LSAMP: variants seen among roughly 807,000 people sequenced by gnomAD.
The protein encoded by LSAMP is limbic system-associated membrane protein.
A neutral mutation model predicts 38.6 loss-of-function variants in LSAMP; 7 were observed. That is an observed-to-expected ratio of 0.18 (90% CI 0.10 to 0.34). The LOEUF (loss-of-function observed/expected upper bound fraction) is 0.34. Ranked by LOEUF, LSAMP falls within the 10% of genes least tolerant of loss-of-function variation. The pLI, the probability that LSAMP is intolerant of heterozygous loss-of-function variation, is 1.00. For synonymous variants in LSAMP, 154 were observed against 166.8 expected (o/e 0.92, Z 0.59); for missense variants, 313 against 420.0 (o/e 0.75, Z 2.23).
intron 2 of LSAMP, among the ~76,000 whole-genome samples, chr3:116,034,836 C>T (rs947950857): frequency 6.6e-6 from 1 of 152,072 alleles, no homozygotes; most frequent in African/African-American, 2.4e-5. Context: ...TGAAGGTATG[C>T]CCAGAGAAGC....
chr3:115,846,612 G>A (rs1024431730), intron 4 of LSAMP, among the ~76,000 whole-genome samples: 11 of 152,130 alleles, frequency 7.2e-5, no homozygotes, highest in African/African-American at 2.4e-4. Flanking sequence ...GGGTTAGTAA[G>A]TTGTCCAAAT....
chr3:115,951,998 G>A (rs1938306906), intron 3 of LSAMP, among the ~76,000 whole-genome samples: 1 of 152,148 alleles, frequency 6.6e-6, no homozygotes, highest in African/African-American at 2.4e-5. Flanking sequence ...GGAAATGCCA[G>A]TTAAAACCAT....
intron 1 of LSAMP, among the ~76,000 whole-genome samples, chr3:116,117,104 C>A (rs1349978196): frequency 1.3e-5 from 2 of 152,172 alleles, no homozygotes; most frequent in African/African-American, 2.4e-5. Flanking sequence ...AAGGGATAAT[C>A]AAAACATTCG....
At chr3:115,881,092 T>C (rs1393049925) in intron 3 of LSAMP, among the ~76,000 whole-genome samples, 1 of 120,380 alleles carries the variant, frequency 8.3e-6, no homozygotes, top group Non-Finnish European at 1.8e-5. Context: ...ATAGTGCCAT[T>C]ATGTGCCATT....
chr3:116,192,983 A>G (rs1710789401), intron 1 of LSAMP, among the ~76,000 whole-genome samples: 1 of 152,178 alleles, frequency 6.6e-6, no homozygotes, highest in African/African-American at 2.4e-5. Flanking sequence ...TTTGCCAACA[A>G]CTGCACTGTA....
At chr3:116,182,947 G>A (rs1008857106) in intron 1 of LSAMP, among the ~76,000 whole-genome samples, 1 of 151,830 alleles carries the variant, frequency 6.6e-6, no homozygotes. Context: ...AGAACATGGG[G>A]TGGAGTTGAA....
chr3:116,175,634 G>A (rs1440666344), intron 1 of LSAMP, among the ~76,000 whole-genome samples: 1 of 151,810 alleles, frequency 6.6e-6, no homozygotes, highest in Non-Finnish European at 1.5e-5. Context: ...AAGTGACGAG[G>A]AAGCAGATCT....
At chr3:116,095,960 G>C (rs762036637) in intron 1 of LSAMP, among the ~76,000 whole-genome samples, 16 of 152,156 alleles carry the variant, frequency 1.1e-4, no homozygotes, top group Non-Finnish European at 2.1e-4. Context: ...CCAATTTTCT[G>C]CTCTAAATTC....
chr3:116,415,520 G>T (rs1671960225), intron 1 of LSAMP, among the ~76,000 whole-genome samples: 1 of 152,080 alleles, frequency 6.6e-6, no homozygotes. Flanking sequence ...ATAACAAAAT[G>T]ATCTAGAGGA....
At chr3:116,176,024 T>C (rs1710330121) in intron 1 of LSAMP, among the ~76,000 whole-genome samples, 1 of 152,136 alleles carries the variant, frequency 6.6e-6, no homozygotes, top group Non-Finnish European at 1.5e-5. Flanking sequence ...ATTTAACACT[T>C]TACTTGATAT....
At chr3:116,220,396 A>AG (rs2046269597) in intron 1 of LSAMP, among the ~76,000 whole-genome samples, 1 of 148,132 alleles carries the variant, frequency 6.8e-6, no homozygotes, top group African/African-American at 2.5e-5. Flanking sequence ...CACACACACA[A>AG]AAGATACTTC....
chr3:115,862,264 G>T (rs376233180), intron 3 of LSAMP, among the ~76,000 whole-genome samples: 6 of 152,306 alleles, frequency 3.9e-5, no homozygotes, highest in African/African-American at 1.4e-4. Context: ...AGCAGTTGCT[G>T]TTTTTAAGAG....
chr3:116,054,084 T>C (rs1410449234), intron 2 of LSAMP, among the ~76,000 whole-genome samples: 2 of 152,184 alleles, frequency 1.3e-5, no homozygotes. Flanking sequence ...TGGTCCTTCT[T>C]GAGGCTGAAG....
At chr3:116,016,410 G>A (rs2107682821) in intron 3 of LSAMP, among the ~76,000 whole-genome samples, 1 of 152,254 alleles carries the variant, frequency 6.6e-6, no homozygotes, top group African/African-American at 2.4e-5. Flanking sequence ...TGCCAGAATA[G>A]AATCTGACCT....
chr3:115,971,737 A>T (rs762278080), intron 3 of LSAMP, among the ~76,000 whole-genome samples: 10 of 152,172 alleles, frequency 6.6e-5, no homozygotes, highest in Non-Finnish European at 1.3e-4. Context: ...ACTGTATACA[A>T]CATTAATTGA....
chr3:116,206,390 G>C (rs1399048520), intron 1 of LSAMP, among the ~76,000 whole-genome samples: 2 of 150,898 alleles, frequency 1.3e-5, no homozygotes, highest in South Asian at 4.2e-4. Flanking sequence ...GGGTTTTTTT[G>C]GTCTCTATTT....
chr3:116,177,265 T>C (rs1226529128), intron 1 of LSAMP, among the ~76,000 whole-genome samples: 3 of 152,124 alleles, frequency 2.0e-5, no homozygotes, highest in Admixed American at 6.6e-5. Flanking sequence ...ATCTCCGAAT[T>C]GTAGTATGTC....
At chr3:116,155,341 C>A (rs2107531413) in intron 1 of LSAMP, among the ~76,000 whole-genome samples, 1 of 152,190 alleles carries the variant, frequency 6.6e-6, no homozygotes, top group Non-Finnish European at 1.5e-5. Flanking sequence ...TCTTCTGCCT[C>A]AGTCTCCCAA....
chr3:116,037,596 AG>A (rs1941075015), intron 2 of LSAMP, among the ~76,000 whole-genome samples: 1 of 152,140 alleles, frequency 6.6e-6, no homozygotes, highest in Admixed American at 6.6e-5. Context: ...ATTTAGGGAA[AG>A]TATATTGGGT....
Sources: gnomAD v4.1 joint callset for allele counts (sites outside exome capture counted in the v4.1 genomes callset) on GRCh38, gnomAD v4.1.1 for gene constraint, MANE v1.5 for transcripts, NCBI Gene and HGNC (gene_info 2026-07-23, HGNC 2026-07-21) for gene names.